PAPPA2: variants seen among roughly 807,000 people sequenced by gnomAD.
PAPPA2 encodes pappalysin 2, also known as pappalysin-2.
PAPPA2 carries 86 observed loss-of-function variants against 176.4 expected under a neutral mutation model. The observed-to-expected ratio is 0.49, with a 90% CI of 0.41 to 0.58. PAPPA2 has a LOEUF of 0.58. Ranked by LOEUF, PAPPA2 falls within the 20% of genes least tolerant of loss-of-function variation. The pLI is 0.00. For synonymous variants in PAPPA2, 809 were observed against 852.2 expected, an observed-to-expected ratio of 0.95 and a Z score of 0.88; for missense variants, 2,073 against 2,256.9, an observed-to-expected ratio of 0.92 and a Z score of 1.65.
chr1:176,560,384 G>A (rs1186269920), intron 2 of PAPPA2, among the ~76,000 whole-genome samples: 3 of 152,234 alleles, frequency 2.0e-5, no homozygotes, highest in African/African-American at 4.8e-5. Context: ...GGAGCTCACA[G>A]GCTTTGGGTG....
intron 3 of PAPPA2, among the ~76,000 whole-genome samples, chr1:176,628,087 A>G (rs1656129718): frequency 1.3e-5 from 2 of 152,214 alleles, no homozygotes; most frequent in South Asian, 4.1e-4. Flanking sequence ...AATTGAATCC[A>G]GACACCATAT....
intron 5 of PAPPA2, chr1:176,690,705 C>CA: frequency 8.0e-7 from 1 of 1,246,218 alleles, no homozygotes; most frequent in South Asian, 3.1e-5. Context: ...GGCACAGAGC[C>CA]AAAAGCCCTC....
intron 2 of PAPPA2, among the ~76,000 whole-genome samples, chr1:176,574,013 C>T (rs10489474): frequency 0.15 from 23,354 of 151,656 alleles, 2,037 homozygotes; most frequent in South Asian, 0.25. Flanking sequence ...TCATGTGACG[C>T]ATCATTGTTT....
intron 12 of PAPPA2, among the ~76,000 whole-genome samples, chr1:176,736,484 A>AAT (rs3039072): frequency 6.8e-6 from 1 of 146,630 alleles, no homozygotes. Context: ...TATATGTAAA[A>AAT]ATATATATTT....
chr1:176,643,469 C>G (rs943881998), intron 3 of PAPPA2, among the ~76,000 whole-genome samples: 2 of 150,992 alleles, frequency 1.3e-5, no homozygotes, highest in Admixed American at 1.3e-4. Context: ...TCTTTGTTCA[C>G]AGGCCATATA....
chr1:176,577,321 C>T (rs61821126), intron 2 of PAPPA2, among the ~76,000 whole-genome samples: 23,406 of 152,092 alleles, frequency 0.15, 2,042 homozygotes, highest in South Asian at 0.25. Context: ...ACCCTGCACA[C>T]GGGTGGCCTA....
At chr1:176,653,965 T>G (rs1265630626) in intron 3 of PAPPA2, among the ~76,000 whole-genome samples, 3 of 151,756 alleles carry the variant, frequency 2.0e-5, no homozygotes, top group Non-Finnish European at 4.4e-5. Context: ...CTTTGGCAGT[T>G]TTTTTCTTCT....
chr1:176,600,396 G>T (rs940329325), intron 3 of PAPPA2, among the ~76,000 whole-genome samples: 3 of 152,040 alleles, frequency 2.0e-5, no homozygotes, highest in African/African-American at 7.2e-5. Flanking sequence ...ACAGAGCTCG[G>T]CCGGGCGCGG....
At chr1:176,467,789 AGAT>A (rs1651694854) in intron 1 of PAPPA2, among the ~76,000 whole-genome samples, 1 of 152,228 alleles carries the variant, frequency 6.6e-6, no homozygotes, top group South Asian at 2.1e-4. Context: ...CTCATAACTG[AGAT>A]GCTAGACACA....
At chr1:176,840,347 C>A in intron 22 of PAPPA2, 76 bp downstream of exon 22, 1 of 1,164,684 alleles carries the variant, frequency 8.6e-7, no homozygotes, top group Non-Finnish European at 1.3e-6. Context: ...AGCTCTCATT[C>A]ATGGTGTGTA....
intron 1 of PAPPA2, among the ~76,000 whole-genome samples, chr1:176,481,879 A>G (rs1572953866): frequency 6.9e-6 from 1 of 144,678 alleles, no homozygotes; most frequent in African/African-American, 2.5e-5. Flanking sequence ...TAAACTTTGT[A>G]TTTTTTTTTT....
intron 2 of PAPPA2, among the ~76,000 whole-genome samples, chr1:176,566,735 T>G (rs1213233393): frequency 6.6e-6 from 1 of 152,220 alleles, no homozygotes; most frequent in Non-Finnish European, 1.5e-5. Flanking sequence ...CCTCACCTCC[T>G]GCCTCCTCCT....
intron 3 of PAPPA2, among the ~76,000 whole-genome samples, chr1:176,619,995 A>G (rs1655495532): frequency 6.6e-6 from 1 of 152,208 alleles, no homozygotes; most frequent in Non-Finnish European, 1.5e-5. Flanking sequence ...ACAAGCTATC[A>G]TAATATAGGT....
At chr1:176,586,250 A>T (rs1317976231) in intron 2 of PAPPA2, among the ~76,000 whole-genome samples, 1 of 152,188 alleles carries the variant, frequency 6.6e-6, no homozygotes, top group Admixed American at 6.5e-5. Flanking sequence ...GATAAAAATT[A>T]TTCAAATATT....
intron 20 of PAPPA2, among the ~76,000 whole-genome samples, chr1:176,796,624 C>CTT (rs1019913912): frequency 1.3e-5 from 2 of 149,694 alleles, no homozygotes; most frequent in East Asian, 2.0e-4. Context: ...TCTTTTCTTT[C>CTT]TTTCTTTTTC....
chr1:176,560,532 C>T (rs948719312), intron 2 of PAPPA2, among the ~76,000 whole-genome samples: 6 of 152,174 alleles, frequency 3.9e-5, no homozygotes, highest in African/African-American at 1.2e-4. Flanking sequence ...AACTGCTCCA[C>T]TGTAGAGTCC....
rs373063349 is a variant in PAPPA2 at position 176,595,405 on chromosome 1, G to C, written c.1801G>C (p.Glu601Gln). 1.2e-6 allele frequency: 2 copies of C among 1,614,190 alleles called. No individual in the cohort carries two copies. Among genetic ancestry groups the C allele is most frequent in the Non-Finnish European group, 1.7e-6 (2 of 1,180,024 alleles). ...CAATGACCATTGTGACCCCGAGTGT[G>C]AGCACCCACTCACAGGCTATGATGG... ...IGNDHCDPEC[E>Q]HPLTGYDGGD... Residue 601 changes from glutamate (E) to glutamine (Q), a missense_variant, in exon 3 of 23, where the codon GAG becomes CAG. Physicochemically the swap from Glu to Gln is conservative, Grantham distance 29. Transcript: ENST00000367662.
At chr1:176,467,054 C>T (rs1034237167) in intron 1 of PAPPA2, among the ~76,000 whole-genome samples, 2 of 152,118 alleles carry the variant, frequency 1.3e-5, no homozygotes, top group African/African-American at 2.4e-5. Context: ...ATGTGAACAT[C>T]ACAGGGTGCA....
chr1:176,676,190 A>T (rs1420810546), intron 4 of PAPPA2, among the ~76,000 whole-genome samples: 1 of 152,064 alleles, frequency 6.6e-6, no homozygotes, highest in Non-Finnish European at 1.5e-5. Flanking sequence ...AAAACTAAAC[A>T]TACACTTGCC....
Sources: allele counts gnomAD v4.1 joint callset (sites outside exome capture counted in the v4.1 genomes callset), GRCh38; gene constraint gnomAD v4.1.1; transcripts MANE v1.5; gene names NCBI Gene and HGNC (gene_info 2026-07-23, HGNC 2026-07-21).